Variants in RAB3C observed in about 807,000 individuals in gnomAD.
The protein encoded by RAB3C is ras-related protein Rab-3C.
Under a neutral mutation model 26.4 loss-of-function variants are expected in RAB3C, and 17 were observed. The ratio of observed to expected loss-of-function variants is 0.64; its 90% CI spans 0.44 to 0.97. The LOEUF (loss-of-function observed/expected upper bound fraction) is 0.97, where lower values mean the gene tolerates loss of function less well. Ranked by LOEUF, RAB3C falls within the 50% of genes least tolerant of loss-of-function variation. RAB3C has a pLI of 0.00. For synonymous variants in RAB3C, 91 were observed against 95.9 expected (o/e 0.95, Z 0.30); for missense variants, 242 against 281.9 (o/e 0.86, Z 1.01).
chr5:58,729,760 T>TAC (rs1195729615), intron 3 of RAB3C, among the ~76,000 whole-genome samples: 1 of 143,414 alleles, frequency 7.0e-6, no homozygotes, highest in Non-Finnish European at 1.5e-5. Flanking sequence ...TTTATATATA[T>TAC]ACACATATAC....
chr5:58,751,853 TTG>T (rs1408132983), intron 3 of RAB3C, among the ~76,000 whole-genome samples: 1 of 152,232 alleles, frequency 6.6e-6, no homozygotes, highest in East Asian at 1.9e-4. Context: ...GGTCAGAGAA[TTG>T]TTGATTTTCC....
Position 58,841,766 on chromosome 5 carries a change from A to C in RAB3C, c.497-9398A>C, listed in dbSNP as rs993461693. Reference sequence around the variant, plus strand: ...TCCTAACTCCAGGCAGATCTGATCCAGTTTGGATAGACAAGTCTGCAGAGA... The same window carrying C: ...TCCTAACTCCAGGCAGATCTGATCCCGTTTGGATAGACAAGTCTGCAGAGA... On this transcript the variant is annotated intron_variant, in intron 4 of 4. Transcript: ENST00000282878. Among the ~76,000 whole-genome samples, 3 of 152,140 alleles carry C rather than the reference A, an allele frequency of 2.0e-5. No individual in the cohort carries two copies. In the South Asian group the frequency reaches 6.2e-4, roughly 32 times the overall value.
At position 58,764,212 on chromosome 5, in the gene RAB3C, A is replaced by G. The variant is rs183230362; in HGVS notation, c.371+38092A>G. On this transcript the variant is annotated intron_variant, in intron 3 of 4. Transcript: ENST00000282878. Reference sequence around the variant, plus strand: ...CAGTTACTCTTTTATCCTGAGGTCTACATGCGTCACCTTTGTGTAAATTTA... The same window carrying G: ...CAGTTACTCTTTTATCCTGAGGTCTGCATGCGTCACCTTTGTGTAAATTTA... Among the ~76,000 whole-genome samples, 207 of 152,318 alleles carry G rather than the reference A, an allele frequency of 1.4e-3. 1 individual carries two copies. Among genetic ancestry groups the G allele is most frequent in the African/African-American group, 4.6e-3 (190 of 41,556 alleles).
At chr5:58,824,620 G>T (rs527893708) in intron 3 of RAB3C, among the ~76,000 whole-genome samples, 1 of 152,142 alleles carries the variant, frequency 6.6e-6, no homozygotes, top group Non-Finnish European at 1.5e-5. Context: ...CTGTAAATAG[G>T]TTGGGCAGCC....
chr5:58,765,326 T>C (rs1170236468), intron 3 of RAB3C, among the ~76,000 whole-genome samples: 1 of 151,902 alleles, frequency 6.6e-6, no homozygotes, highest in African/African-American at 2.4e-5. Flanking sequence ...CATTTTCTTT[T>C]GACTTGCTTT....
intron 2 of RAB3C, among the ~76,000 whole-genome samples, chr5:58,681,818 G>A (rs952544249): frequency 6.6e-6 from 1 of 152,164 alleles, no homozygotes; most frequent in Non-Finnish European, 1.5e-5. Context: ...GATATTTTAG[G>A]AAGATTCATC....
At position 58,583,157 on chromosome 5, in the gene RAB3C, G is replaced by A; in HGVS notation, c.-52G>A. On this transcript the variant is annotated 5_prime_UTR_variant, in exon 1 of 5. Transcript: ENST00000282878. ...GCGCCGGGACTGTGCACGCTTGACC[G>A]GAAGCCCAGACCAGTGCGGTCCTAG... 1 of 1,613,544 alleles carries A rather than the reference G, an allele frequency of 6.2e-7. No individual in the cohort carries two copies.
intron 2 of RAB3C, among the ~76,000 whole-genome samples, chr5:58,629,095 A>G (rs1747131713): frequency 6.6e-6 from 1 of 151,582 alleles, no homozygotes; most frequent in South Asian, 2.1e-4. Context: ...TTTTAAAAAC[A>G]CTTGAAAAGA....
intron 1 of RAB3C, among the ~76,000 whole-genome samples, chr5:58,612,512 G>GTATATATATATATATA (rs1561266317): frequency 2.7e-4 from 19 of 70,222 alleles, no homozygotes; most frequent in African/African-American, 1.4e-3. Flanking sequence ...GTGTGTGTGT[G>GTATATATATATATATA]TGTGTGTGTA....
intron 2 of RAB3C, among the ~76,000 whole-genome samples, chr5:58,701,030 C>T (rs1365079579): frequency 6.6e-6 from 1 of 151,958 alleles, no homozygotes; most frequent in Admixed American, 6.6e-5. Context: ...GACTCTCACC[C>T]TGTCACCCAG....
chr5:58,640,982 G>A (rs1345209653), intron 2 of RAB3C, among the ~76,000 whole-genome samples: 1 of 152,122 alleles, frequency 6.6e-6, no homozygotes, highest in Non-Finnish European at 1.5e-5. Flanking sequence ...ATCATTCCTT[G>A]GATTGTGATT....
chr5:58,820,750 A>G (rs1439574360), intron 3 of RAB3C, among the ~76,000 whole-genome samples: 1 of 152,216 alleles, frequency 6.6e-6, no homozygotes, highest in African/African-American at 2.4e-5. Context: ...TATTTCTTAT[A>G]TAAGAGCAAA....
intron 4 of RAB3C, among the ~76,000 whole-genome samples, chr5:58,833,324 T>TCTCACACACACACA (rs1554021454): frequency 8.1e-4 from 115 of 141,150 alleles, no homozygotes; most frequent in African/African-American, 2.7e-3. Context: ...ACGGACCCCA[T>TCTCACACACACACA]CACACACACA....
intron 1 of RAB3C, among the ~76,000 whole-genome samples, chr5:58,608,226 G>A (rs1026916313): frequency 6.6e-6 from 1 of 151,958 alleles, no homozygotes; most frequent in Non-Finnish European, 1.5e-5. Context: ...TAAAATAAAG[G>A]GATGGAGGAA....
chr5:58,709,492 C>A (rs1004009684), intron 2 of RAB3C, among the ~76,000 whole-genome samples: 1 of 152,118 alleles, frequency 6.6e-6, no homozygotes, highest in Non-Finnish European at 1.5e-5. Flanking sequence ...GCAGTTCTCC[C>A]CAATAAATTC....
intron 2 of RAB3C, among the ~76,000 whole-genome samples, chr5:58,680,712 C>T (rs1195512301): frequency 6.6e-6 from 1 of 152,144 alleles, no homozygotes; most frequent in Non-Finnish European, 1.5e-5. Flanking sequence ...TGGCCACTTC[C>T]TTCCTCCATC....
intron 3 of RAB3C, among the ~76,000 whole-genome samples, chr5:58,763,909 G>C (rs912737800): frequency 6.6e-6 from 1 of 152,102 alleles, no homozygotes; most frequent in Non-Finnish European, 1.5e-5. Flanking sequence ...TATATAGAAG[G>C]GCAATGGATT....
intron 2 of RAB3C, among the ~76,000 whole-genome samples, chr5:58,682,842 A>G (rs1008382896): frequency 6.6e-6 from 1 of 152,190 alleles, no homozygotes; most frequent in Non-Finnish European, 1.5e-5. Context: ...GAATCCATAT[A>G]TTTTCTCAAG....
chr5:58,785,858 T>C (rs985621966), intron 3 of RAB3C, among the ~76,000 whole-genome samples: 3 of 152,214 alleles, frequency 2.0e-5, no homozygotes, highest in African/African-American at 7.2e-5. Flanking sequence ...GCAGGGGAAA[T>C]GATGTAGAAT....
Sources: gnomAD v4.1 joint callset for allele counts (sites outside exome capture counted in the v4.1 genomes callset) on GRCh38, gnomAD v4.1.1 for gene constraint, MANE v1.5 for transcripts, NCBI Gene and HGNC (gene_info 2026-07-23, HGNC 2026-07-21) for gene names.